MAGI2: variants seen among roughly 807,000 people sequenced by gnomAD.
MAGI2 encodes the protein membrane associated guanylate kinase, WW and PDZ domain containing 2.
Under a neutral mutation model 133.3 loss-of-function variants are expected in MAGI2, and 35 were observed. The ratio of observed to expected loss-of-function variants is 0.26; its 90% confidence interval spans 0.20 to 0.35. MAGI2 has a LOEUF of 0.35. Among genes scored for constraint, MAGI2 ranks in the 10% least tolerant of loss-of-function variants. The probability of loss-of-function intolerance (pLI) is 1.00; values close to 1 mark genes in which losing one functional copy is unlikely to be tolerated. For synonymous variants in MAGI2, 729 were observed against 710.6 expected (o/e 1.03, Z -0.41); for missense variants, 1,636 against 1,863.4 (o/e 0.88, Z 2.25).
At chr7:78,088,151 T>C (rs1029006021) in intron 20 of MAGI2, among the ~76,000 whole-genome samples, 1 of 152,220 alleles carries the variant, frequency 6.6e-6, no homozygotes, top group African/African-American at 2.4e-5. Flanking sequence ...TTGGATGTAA[T>C]TGAGAGAAAA....
intron 1 of MAGI2, among the ~76,000 whole-genome samples, chr7:79,204,405 G>A (rs1226440485): frequency 6.6e-6 from 1 of 152,072 alleles, no homozygotes; most frequent in Admixed American, 6.5e-5. Flanking sequence ...GCCATAATGA[G>A]TGCTAGGCTT....
intron 1 of MAGI2, among the ~76,000 whole-genome samples, chr7:79,016,232 G>T (rs780791911): frequency 4.7e-4 from 71 of 152,056 alleles, no homozygotes; most frequent in Non-Finnish European, 9.1e-4. Context: ...GGGCTGCCTT[G>T]CACCCTTAGG....
chr7:78,086,349 T>A (rs1048532158), intron 20 of MAGI2, among the ~76,000 whole-genome samples: 1 of 151,568 alleles, frequency 6.6e-6, no homozygotes, highest in African/African-American at 2.4e-5. Flanking sequence ...GTGATTATCC[T>A]GCCTCAGCCT....
intron 2 of MAGI2, among the ~76,000 whole-genome samples, chr7:78,870,736 G>T (rs1192598219): frequency 6.6e-6 from 1 of 152,124 alleles, no homozygotes; most frequent in Non-Finnish European, 1.5e-5. Flanking sequence ...ATATGAAAAA[G>T]ACACTTGCAC....
At chr7:78,458,276 CAG>C (rs1197657541) in intron 6 of MAGI2, among the ~76,000 whole-genome samples, 1 of 117,024 alleles carries the variant, frequency 8.5e-6, no homozygotes, top group Non-Finnish European at 1.7e-5. Flanking sequence ...AGCCTGGAGA[CAG>C]GGCAAAACTC....
intron 7 of MAGI2, among the ~76,000 whole-genome samples, chr7:78,360,591 C>T (rs1792673009): frequency 6.6e-6 from 1 of 152,184 alleles, no homozygotes; most frequent in South Asian, 2.1e-4. Context: ...ATAGAATAAT[C>T]ATCATCTACC....
At chr7:78,587,505 A>G (rs2150831724) in intron 3 of MAGI2, among the ~76,000 whole-genome samples, 1 of 152,332 alleles carries the variant, frequency 6.6e-6, no homozygotes, top group East Asian at 1.9e-4. Context: ...AGTTAATAGT[A>G]TCTGTTTCAG....
At chr7:78,630,054 G>A (rs1431013344) in intron 2 of MAGI2, among the ~76,000 whole-genome samples, 1 of 151,830 alleles carries the variant, frequency 6.6e-6, no homozygotes, top group Non-Finnish European at 1.5e-5. Context: ...TAAGACTTCT[G>A]ATTTTTAAAA....
chr7:79,413,990 G>A (rs1053993055), intron 1 of MAGI2: 1 of 152,136 alleles, frequency 6.6e-6, no homozygotes, highest in African/African-American at 2.4e-5. Flanking sequence ...CCCAGGGAGA[G>A]AAATCCTGTG....
At chr7:79,141,906 A>G (rs1822169793) in intron 1 of MAGI2, among the ~76,000 whole-genome samples, 1 of 152,142 alleles carries the variant, frequency 6.6e-6, no homozygotes, top group Non-Finnish European at 1.5e-5. Context: ...CTGGGTTTTA[A>G]TGCATAATAC....
At chr7:78,104,867 T>C (rs1346044329) in intron 20 of MAGI2, among the ~76,000 whole-genome samples, 3 of 152,304 alleles carry the variant, frequency 2.0e-5, no homozygotes, top group African/African-American at 4.8e-5. Flanking sequence ...TTATGAAATA[T>C]ATCAAAGTAG....
At chr7:79,437,304 T>C (rs976589594) in intron 1 of MAGI2, among the ~76,000 whole-genome samples, 3 of 151,982 alleles carry the variant, frequency 2.0e-5, no homozygotes, top group African/African-American at 7.2e-5. Context: ...ACACAATATA[T>C]CCTTGTAACA....
intron 1 of MAGI2, among the ~76,000 whole-genome samples, chr7:79,432,767 C>T (rs1847860844): frequency 6.6e-6 from 1 of 152,084 alleles, no homozygotes; most frequent in Non-Finnish European, 1.5e-5. Context: ...CTGCAATAGG[C>T]AGAGTGAGGT....
chr7:78,735,932 G>A (rs1404677349), intron 2 of MAGI2, among the ~76,000 whole-genome samples: 1 of 152,158 alleles, frequency 6.6e-6, no homozygotes, highest in Non-Finnish European at 1.5e-5. Context: ...TGAGGTAATA[G>A]GGAGGAAATA....
intron 1 of MAGI2, among the ~76,000 whole-genome samples, chr7:79,344,346 A>G (rs1376762515): frequency 6.6e-6 from 1 of 152,174 alleles, no homozygotes; most frequent in Non-Finnish European, 1.5e-5. Flanking sequence ...GTAAGACATA[A>G]ACATGTTTTA....
chr7:78,109,303 CAAAAAAAAAAAAA>C (rs71085511), intron 20 of MAGI2, among the ~76,000 whole-genome samples: 3 of 19,944 alleles, frequency 1.5e-4, no homozygotes, highest in African/African-American at 6.0e-4. Context: ...GACTCCGTCT[CAAAAAAAAAAAAA>C]AAAAAAAAAA....
At chr7:78,124,956 T>C (rs1480176274) in intron 20 of MAGI2, among the ~76,000 whole-genome samples, 1 of 150,728 alleles carries the variant, frequency 6.6e-6, no homozygotes, top group East Asian at 2.0e-4. Flanking sequence ...TCCGCCTCCC[T>C]GGGCTCAAGC....
At chr7:79,431,834 A>G (rs1254975639) in intron 1 of MAGI2, among the ~76,000 whole-genome samples, 1 of 152,170 alleles carries the variant, frequency 6.6e-6, no homozygotes, top group East Asian at 1.9e-4. Flanking sequence ...ACTCTGCACT[A>G]TTCTGTTTTA....
intron 2 of MAGI2, among the ~76,000 whole-genome samples, chr7:78,716,337 A>G (rs1819700041): frequency 6.6e-6 from 1 of 152,192 alleles, no homozygotes; most frequent in Non-Finnish European, 1.5e-5. Context: ...TATTTCTTTT[A>G]AAGAGAAAAT....
Sources: allele counts gnomAD v4.1 joint callset (sites outside exome capture counted in the v4.1 genomes callset), GRCh38; gene constraint gnomAD v4.1.1; transcripts MANE v1.5; gene names NCBI Gene and HGNC (gene_info 2026-07-23, HGNC 2026-07-21).